ACTN4: variants seen among roughly 807,000 people sequenced by gnomAD.
ACTN4 encodes the protein alpha-actinin-4.
A neutral mutation model predicts 114.2 loss-of-function variants in ACTN4; 18 were observed. The observed-to-expected ratio is 0.16, with a 90% CI of 0.11 to 0.23. The LOEUF (loss-of-function observed/expected upper bound fraction) is 0.23. ACTN4 is among the 10% of genes least tolerant of loss of function. The pLI is 1.00. For missense variants in ACTN4, 722 were observed against 1,262.9 expected (o/e 0.57, Z 6.49); for synonymous variants, 515 against 506.3 (o/e 1.02, Z -0.23).
At chr19:38,681,989 C>T (rs1353360673) in intron 1 of ACTN4, among the ~76,000 whole-genome samples, 2 of 152,108 alleles carry the variant, frequency 1.3e-5, no homozygotes, top group South Asian at 4.2e-4. Flanking sequence ...TACCACCACA[C>T]CTGGCTAATT....
chr19:38,672,636 C>T (rs908091528), intron 1 of ACTN4, among the ~76,000 whole-genome samples: 4 of 150,252 alleles, frequency 2.7e-5, no homozygotes, highest in South Asian at 2.1e-4. Flanking sequence ...TGTAATGGCA[C>T]GATCTCGGCT....
chr19:38,713,454 G>A (rs1396570964), intron 8 of ACTN4, among the ~76,000 whole-genome samples: 1 of 152,180 alleles, frequency 6.6e-6, no homozygotes, highest in Non-Finnish European at 1.5e-5. Flanking sequence ...ACTGGCCTGG[G>A]GCCCATGTTC....
At chr19:38,662,420 G>T (rs1396558870) in intron 1 of ACTN4, among the ~76,000 whole-genome samples, 3 of 152,162 alleles carry the variant, frequency 2.0e-5, no homozygotes, top group Non-Finnish European at 2.9e-5. Context: ...AGAGTATAAC[G>T]GAGCAAATGA....
At chr19:38,692,150 A>G (rs1967950884) in intron 1 of ACTN4, among the ~76,000 whole-genome samples, 1 of 152,220 alleles carries the variant, frequency 6.6e-6, no homozygotes, top group Admixed American at 6.5e-5. Context: ...GAATAAGGCA[A>G]CTTCAGGCCA....
intron 1 of ACTN4, among the ~76,000 whole-genome samples, chr19:38,667,597 G>A (rs531702487): frequency 6.6e-6 from 1 of 151,832 alleles, no homozygotes; most frequent in East Asian, 1.9e-4. Context: ...TATGGAATTT[G>A]TGGCCCAAAG....
chr19:38,647,946 T>C, intron 1 of ACTN4, 39 bp downstream of exon 1: 3 of 1,381,526 alleles, frequency 2.2e-6, no homozygotes, highest in Non-Finnish European at 2.8e-6. Context: ...GAGGGGCTTT[T>C]CTGAGGGGGC....
rs1184520242 is a variant in ACTN4, at chr19:38,671,765, T to A, written c.162+23858T>A. ...CCCACAGTCCTTATCAAACTTCGCA[T>A]TTGGAGCAGGCAGTCTGTCTGGGAA... On this transcript the variant is annotated intron_variant, in intron 1 of 20. Coordinates refer to ENST00000252699, the MANE Select transcript of ACTN4 (RefSeq NM_004924.6). Among the ~76,000 whole-genome samples, 4 of 152,170 alleles carry A rather than the reference T, an allele frequency of 2.6e-5. No homozygotes were observed. The East Asian group carries it at 7.7e-4, about 29-fold the overall frequency.
chr19:38,706,255 C>A, intron 5 of ACTN4, 124 bp downstream of exon 5: 1 of 1,005,062 alleles, frequency 9.9e-7, no homozygotes, highest in Non-Finnish European at 1.5e-6. Context: ...CAGCCCCTCC[C>A]TGGCCACGGG....
intron 1 of ACTN4, among the ~76,000 whole-genome samples, chr19:38,662,713 A>C (rs567417256): frequency 6.6e-6 from 1 of 152,304 alleles, no homozygotes; most frequent in Non-Finnish European, 1.5e-5. Flanking sequence ...CACAGCTGTA[A>C]GTTTCCATGG....
chr19:38,691,169 A>T (rs1417724234), intron 1 of ACTN4, among the ~76,000 whole-genome samples: 1 of 152,140 alleles, frequency 6.6e-6, no homozygotes, highest in African/African-American at 2.4e-5. Flanking sequence ...TAATTCCAGC[A>T]CTTTGGGAGG....
chr19:38,655,664 AGT>A (rs1465857371), intron 1 of ACTN4, among the ~76,000 whole-genome samples: 2 of 152,132 alleles, frequency 1.3e-5, no homozygotes, highest in Non-Finnish European at 2.9e-5. Context: ...TTCAGTTTCA[AGT>A]GTTAGTGCTT....
intron 19 of ACTN4, chr19:38,728,512 C>T (rs921649172): frequency 8.1e-5 from 52 of 643,704 alleles, no homozygotes; most frequent in African/African-American, 6.5e-4. Flanking sequence ...CTCCTCCGCC[C>T]GAGCAGCGCA....
chr19:38,731,092 C>CG lies in ACTN4; in HGVS notation c.*1664dup, dbSNP rs777583571. The CG allele has an allele frequency of 7.5e-5, 120 of 1,603,382 alleles. No homozygotes were observed. The African/African-American group carries it at 1.5e-3, about 20-fold the overall frequency. On this transcript the variant is annotated 3_prime_UTR_variant, in exon 21 of 21. Coordinates refer to ENST00000252699, the MANE Select transcript of ACTN4 (RefSeq NM_004924.6). ...CCCTTCCCCCCATGCCCCACCATGCCGGGGTGGTACTCACAGAAGATGCAG... is the reference window on the plus strand; with the variant it reads ...CCCTTCCCCCCATGCCCCACCATGCCGGGGGTGGTACTCACAGAAGATGCAG...
Position 38,697,741 on chromosome 19 carries a change from AC to A in ACTN4, c.163-2858del, listed in dbSNP as rs1268312033. The stretch of plus-strand genomic sequence containing the variant: ...GAGCACGGGGCCTTGCCCTCGGGGA[AC>A]AGCCCTCTTTTGTCCTCAGGCTGTG... On this transcript the variant is annotated intron_variant, in intron 1 of 20. Transcript: ENST00000252699. Among the ~76,000 whole-genome samples the A allele has an allele frequency of 3.3e-5, 5 of 152,334 alleles. No individual in the cohort carries two copies. The East Asian group carries it at 7.7e-4, about 24-fold the overall frequency.
At chr19:38,682,792 A>T (rs1023647470) in intron 1 of ACTN4, among the ~76,000 whole-genome samples, 3 of 152,030 alleles carry the variant, frequency 2.0e-5, no homozygotes, top group African/African-American at 7.2e-5. Context: ...ACCAGGCCCG[A>T]GTTCCCACCT....
At position 38,730,601 on chromosome 19, in the gene ACTN4, GCTAGCACTGT is replaced by G. The variant is rs1969510450; in HGVS notation, c.*1172_*1181del. The G allele has an allele frequency of 1.7e-6, 1 of 590,758 alleles. No homozygotes were observed. Among genetic ancestry groups the G allele is most frequent in the African/African-American group, 1.9e-5 (1 of 53,764 alleles). 36.6% of individuals were successfully genotyped at this position (590,758 alleles called of 1,614,324 possible). A position where few individuals can be genotyped will look rare whatever the true frequency, so the allele number is the denominator to read the frequency against. On this transcript the variant is annotated 3_prime_UTR_variant, in exon 21 of 21. Coordinates refer to ENST00000252699, the MANE Select transcript of ACTN4 (RefSeq NM_004924.6). ...CACCTTCTAGGAGAGCCAGGGCAGA[GCTAGCACTGT>G]CTTAAGCTGTCAACGTGGACTAGCT...
rs183286336 is a variant in ACTN4, at chr19:38,727,629, C to A, written c.2338-317C>A. On this transcript the variant is annotated intron_variant, in intron 18 of 20. Coordinates refer to ENST00000252699, the MANE Select transcript of ACTN4 (RefSeq NM_004924.6). This position sits in a 1 kb window ranked among gnomAD's most constrained non-coding sequence, Gnocchi z 5.4. ...TCCAAATCCCAAAGGCAAGGAGAACCCCCCCCCCGACCCTCCACCAGTCCT... is the reference window on the plus strand; with the variant it reads ...TCCAAATCCCAAAGGCAAGGAGAACACCCCCCCCGACCCTCCACCAGTCCT... Among the ~76,000 whole-genome samples, 3 of 134,458 alleles carry A rather than the reference C, an allele frequency of 2.2e-5. No individual in the cohort carries two copies. Among genetic ancestry groups the A allele is most frequent in the African/African-American group, 5.4e-5 (2 of 36,700 alleles). The allele number at this position is 134,458 out of a possible 152,430, so 88.2% of individuals were successfully genotyped here.
intron 12 of ACTN4, among the ~76,000 whole-genome samples, 177 bp from the exon 13 acceptor site, chr19:38,723,437 G>A (rs761329870): frequency 2.3e-4 from 35 of 152,078 alleles, no homozygotes; most frequent in Non-Finnish European, 3.4e-4. Flanking sequence ...TCTACCCTGG[G>A]GGTCCCATGG....
chr19:38,670,289 G>A (rs1285218883), intron 1 of ACTN4, among the ~76,000 whole-genome samples: 2 of 152,188 alleles, frequency 1.3e-5, no homozygotes, highest in Non-Finnish European at 2.9e-5. Context: ...GGAGGTCACA[G>A]GAAGGTGGAA....
Sources: gnomAD v4.1 joint callset for allele counts (sites outside exome capture counted in the v4.1 genomes callset) on GRCh38, gnomAD v4.1.1 for gene constraint, Gnocchi (gnomAD v3.1) non-coding constraint, MANE v1.5 for transcripts, NCBI Gene and HGNC (gene_info 2026-07-23, HGNC 2026-07-21) for gene names.